The following MACF1 variants were observed in gnomAD, a reference collection of about 807,000 sequenced individuals.
The protein encoded by MACF1 is microtubule-actin cross-linking factor 1.
MACF1 carries 193 observed loss-of-function variants against 854.8 expected under a neutral mutation model. That is an observed-to-expected ratio of 0.23 (90% confidence interval 0.20 to 0.25). The LOEUF (loss-of-function observed/expected upper bound fraction) is 0.25, where lower values mean the gene tolerates loss of function less well. Among genes scored for constraint, MACF1 ranks in the 10% least tolerant of loss-of-function variants. MACF1 has a pLI of 1.00. For synonymous variants in MACF1, 3,185 were observed against 3,226.7 expected (o/e 0.99, Z 0.44); for missense variants, 7,722 against 8,929.1 (o/e 0.86, Z 5.45).
At chr1:39,238,875 G>A (rs1310867023) in intron 2 of MACF1, among the ~76,000 whole-genome samples, 1 of 152,178 alleles carries the variant, frequency 6.6e-6, no homozygotes, top group South Asian at 2.1e-4. Flanking sequence ...TTGATTTTGG[G>A]CTGAGAATTA....
At chr1:39,237,350 A>T (rs1026683848) in intron 2 of MACF1, among the ~76,000 whole-genome samples, 10 of 152,288 alleles carry the variant, frequency 6.6e-5, no homozygotes, top group Non-Finnish European at 1.2e-4. Flanking sequence ...GTGTTCACTC[A>T]TCGATGTTCT....
chr1:39,128,561 TG>T (rs962974900), intron 2 of MACF1, among the ~76,000 whole-genome samples: 1 of 152,014 alleles, frequency 6.6e-6, no homozygotes, highest in African/African-American at 2.4e-5. Flanking sequence ...TAGCCAGGCG[TG>T]GTGGCGGGCG....
At chr1:39,441,876 T>A in intron 74 of MACF1, 76 bp from the exon 75 acceptor site, 1 of 1,064,626 alleles carries the variant, frequency 9.4e-7, no homozygotes, top group East Asian at 2.4e-5. Flanking sequence ...TGTCTTCTTA[T>A]GTTAGCAGAG....
chr1:39,111,606 C>A, intron 2 of MACF1, among the ~76,000 whole-genome samples: 1 of 152,114 alleles, frequency 6.6e-6, no homozygotes, highest in East Asian at 1.9e-4. Context: ...TGGTCTCGAT[C>A]TTCTGACCTC....
chr1:39,294,015 G>A (rs1175910759), intron 18 of MACF1, among the ~76,000 whole-genome samples: 1 of 151,960 alleles, frequency 6.6e-6, no homozygotes, highest in Non-Finnish European at 1.5e-5. Flanking sequence ...TGAGATAATA[G>A]CACCACTTCA....
intron 2 of MACF1, chr1:39,103,403 T>C: frequency 5.6e-6 from 1 of 179,446 alleles, no homozygotes; most frequent in Admixed American, 5.4e-5. Flanking sequence ...GAGGTGTTTG[T>C]ATGCGTGATT....
intron 2 of MACF1, among the ~76,000 whole-genome samples, chr1:39,125,152 C>T (rs11205665): frequency 0.053 from 8,054 of 152,064 alleles, 264 homozygotes; most frequent in East Asian, 0.13. Flanking sequence ...AACACAAAAA[C>T]GGAGGGATTA....
chr1:39,469,696 T>C, intron 97 of MACF1, 81 bp downstream of exon 97: 1 of 1,102,554 alleles, frequency 9.1e-7, no homozygotes, highest in Non-Finnish European at 1.4e-6. Flanking sequence ...TAACATCTCT[T>C]GGTTCTGTGT....
At chr1:39,433,980 T>G (rs574121322) in intron 68 of MACF1, among the ~76,000 whole-genome samples, 1 of 152,228 alleles carries the variant, frequency 6.6e-6, no homozygotes, top group African/African-American at 2.4e-5. Flanking sequence ...CTTGGGAAGC[T>G]GAGGCAGGAG....
At chr1:39,269,359 G>C (rs1645274703) in intron 6 of MACF1, 2 of 1,289,776 alleles carry the variant, frequency 1.6e-6, no homozygotes, top group East Asian at 1.1e-4. Flanking sequence ...GAGGGCTGGA[G>C]TGTGGAGGAA....
chr1:39,373,838 C>T (rs1221208988), intron 52 of MACF1, among the ~76,000 whole-genome samples: 2 of 134,562 alleles, frequency 1.5e-5, no homozygotes, highest in Non-Finnish European at 3.2e-5. Flanking sequence ...GGGCGACGGA[C>T]GGAGACCCCA....
intron 2 of MACF1, 26 bp downstream of exon 2, chr1:39,231,269 C>T: frequency 6.3e-7 from 1 of 1,599,008 alleles, no homozygotes; most frequent in Non-Finnish European, 8.6e-7. Flanking sequence ...ATATATGCTG[C>T]CCCAGCACCT....
In MACF1 at chr1:39,295,781, T is replaced by C. The variant is rs375252164; in HGVS notation, c.2260-6T>C. The C allele has an allele frequency of 1.2e-6, 2 of 1,610,982 alleles. No individual in the cohort carries two copies. The highest frequency in any genetic ancestry group is 1.7e-6 in the Non-Finnish European group (2 of 1,178,208). On this transcript the variant is annotated splice_region_variant and splice_polypyrimidine_tract_variant and intron_variant, in intron 19 of 100. Transcript: ENST00000564288. ...GCCCTTCTGTCTGTGTGCTTGTTTA[T>C]TGCAGGCTTACAGTGCTGCTGTCCA...
intron 23 of MACF1, among the ~76,000 whole-genome samples, chr1:39,308,837 A>G (rs1397209781): frequency 6.6e-6 from 1 of 151,870 alleles, no homozygotes; most frequent in Non-Finnish European, 1.5e-5. Flanking sequence ...TGTATTTTTA[A>G]TAGAGATGGG....
At chr1:39,469,683 C>A in intron 97 of MACF1, 68 bp downstream of exon 97, 1 of 1,209,392 alleles carries the variant, frequency 8.3e-7, no homozygotes, top group Non-Finnish European at 1.2e-6. Flanking sequence ...GCTTCTTAAA[C>A]TGTAACATCT....
At position 39,310,971 on chromosome 1, in the gene MACF1, G is replaced by A. The variant is rs750873675; in HGVS notation, c.3241G>A (p.Asp1081Asn). Reference protein sequence around the residue: ...SSRTDRDAWQDNALRIAEQEH... With the variant: ...SSRTDRDAWQNNALRIAEQEH... ...TAGGACTGACAGAGATGCCTGGCAGGACAATGCATTAAGGATTGCAGAGCA... is the reference window on the plus strand; with the variant it reads ...TAGGACTGACAGAGATGCCTGGCAGAACAATGCATTAAGGATTGCAGAGCA... The change falls in exon 26 of 101, where the codon GAC becomes AAC. Residue 1081 changes from aspartate to asparagine, a missense_variant. Coordinates refer to ENST00000564288, the MANE Select transcript of MACF1 (RefSeq NM_001394062.1). 9 of 1,614,038 alleles carry A rather than the reference G, an allele frequency of 5.6e-6. No homozygotes were observed. The South Asian group carries it at 7.7e-5, about 14-fold the overall frequency.
rs1230921058 is a variant in MACF1, at chr1:39,334,406, T to C, written c.7818T>C (p.Asn2606=). The change falls in exon 37 of 101, where the codon AAT becomes AAC. Residue 2606 remains asparagine, a synonymous_variant. Coordinates refer to ENST00000564288, the MANE Select transcript of MACF1 (RefSeq NM_001394062.1). ...CTAAAAAAGAAGGACTGTTAACTAA[T>C]GAAGCAGTATTGTCTCCAGGAATGA... ...AEAKKEGLLT[N]EAVLSPGMMH... The C allele has an allele frequency of 1.2e-6, 2 of 1,614,062 alleles. No individual in the cohort carries two copies. Among genetic ancestry groups the C allele is most frequent in the Admixed American group, 3.3e-5 (2 of 60,022 alleles).
intron 2 of MACF1, among the ~76,000 whole-genome samples, chr1:39,093,482 ATTTTTT>A (rs35211687): frequency 9.6e-6 from 1 of 104,300 alleles, no homozygotes; most frequent in Non-Finnish European, 1.9e-5. Context: ...CGCCTGGCTA[ATTTTTT>A]TTTTTTTTTT....
At position 39,422,843 on chromosome 1, in the gene MACF1, T is replaced by C. The variant is rs764691897; in HGVS notation, c.16092T>C (p.Asn5364=). ...CAGATACCGAGGAGCTCATAGCCAATCAGAAACCTCCATCTGCTGAGTATA... is the reference window on the plus strand; with the variant it reads ...CAGATACCGAGGAGCTCATAGCCAACCAGAAACCTCCATCTGCTGAGTATA... The part of the protein sequence containing the change: ...WLADTEELIA[N]QKPPSAEYKV... Residue 5364 remains asparagine, a synonymous_variant, in exon 60 of 101, where the codon AAT becomes AAC. Coordinates refer to ENST00000564288, the MANE Select transcript of MACF1 (RefSeq NM_001394062.1). 1.9e-6 allele frequency: 3 copies of C among 1,614,108 alleles called. No individual in the cohort carries two copies. Among genetic ancestry groups the C allele is most frequent in the Middle Eastern group, 1.6e-4 (1 of 6,062 alleles).
Sources: gnomAD v4.1 joint callset for allele counts (sites outside exome capture counted in the v4.1 genomes callset) on GRCh38, gnomAD v4.1.1 for gene constraint, MANE v1.5 for transcripts, NCBI Gene and HGNC (gene_info 2026-07-23, HGNC 2026-07-21) for gene names.